REDIC1: variants seen among roughly 807,000 people sequenced by gnomAD.
The protein encoded by REDIC1 is regulator of DNA class I crossover intermediates 1, also known as HEI10 Interacting Protein 1.
the REDIC1 span, among the ~76,000 whole-genome samples, chr12:39,680,098 A>G: frequency 6.6e-6 from 1 of 152,240 alleles, no homozygotes; most frequent in Non-Finnish European, 1.5e-5. Flanking sequence ...ACCAAGAACC[A>G]AAAGCAAATG....
chr12:39,635,174 A>T, the REDIC1 span, among the ~76,000 whole-genome samples: 1 of 152,200 alleles, frequency 6.6e-6, no homozygotes, highest in Non-Finnish European at 1.5e-5. Flanking sequence ...GAGAAATAGG[A>T]ACACTTTTAC....
chr12:39,687,944 C>G, the REDIC1 span, among the ~76,000 whole-genome samples: 1 of 152,214 alleles, frequency 6.6e-6, no homozygotes, highest in African/African-American at 2.4e-5. Context: ...TGAGGTCACA[C>G]TCTCAAGCCA....
chr12:39,751,885 C>T, the REDIC1 span, among the ~76,000 whole-genome samples: 2 of 152,068 alleles, frequency 1.3e-5, no homozygotes, highest in Non-Finnish European at 2.9e-5. Context: ...GGGAACATCA[C>T]ACACCAGGGC....
the REDIC1 span, among the ~76,000 whole-genome samples, chr12:39,843,607 A>G: frequency 6.6e-6 from 1 of 152,186 alleles, no homozygotes; most frequent in East Asian, 1.9e-4. Flanking sequence ...CCATACAATG[A>G]GAGTATGAAA....
chr12:39,712,397 T>TGTATATATACATACGTATATACATAC, the REDIC1 span, among the ~76,000 whole-genome samples: 2 of 134,034 alleles, frequency 1.5e-5, no homozygotes, highest in South Asian at 2.3e-4. Flanking sequence ...TATACCTGTA[T>TGTATATATACATACGTATATACATAC]GTATATATAC....
chr12:39,852,665 C>T, the REDIC1 span, among the ~76,000 whole-genome samples: 7 of 152,256 alleles, frequency 4.6e-5, no homozygotes, highest in South Asian at 1.2e-3. Context: ...AAGGAAAACC[C>T]CAACTTTCCA....
At chr12:39,857,955 T>C in the REDIC1 span, among the ~76,000 whole-genome samples, 1 of 152,190 alleles carries the variant, frequency 6.6e-6, no homozygotes, top group Non-Finnish European at 1.5e-5. Flanking sequence ...TTTTTGACTA[T>C]AGGAAAACAA....
At chr12:39,797,738 A>ACACATATG in the REDIC1 span, among the ~76,000 whole-genome samples, 43 of 52,548 alleles carry the variant, frequency 8.2e-4, no homozygotes, top group African/African-American at 2.5e-3. Context: ...ACACACACAC[A>ACACATATG]CACACACACA....
At chr12:39,820,555 A>C in the REDIC1 span, among the ~76,000 whole-genome samples, 1 of 152,064 alleles carries the variant, frequency 6.6e-6, no homozygotes, top group East Asian at 1.9e-4. Flanking sequence ...CCTGGATACC[A>C]AATGATGTGT....
the REDIC1 span, chr12:39,720,798 T>G: frequency 1.9e-6 from 3 of 1,607,184 alleles, no homozygotes; most frequent in Non-Finnish European, 2.5e-6. Context: ...CATCTGAAGA[T>G]GAAGATCAAA....
chr12:39,725,468 C>T, the REDIC1 span, among the ~76,000 whole-genome samples: 38 of 152,132 alleles, frequency 2.5e-4, no homozygotes, highest in East Asian at 6.4e-3. Flanking sequence ...TCTCATATGT[C>T]TTTAGGCCTT....
At chr12:39,704,468 T>C in the REDIC1 span, among the ~76,000 whole-genome samples, 15 of 152,306 alleles carry the variant, frequency 9.8e-5, no homozygotes, top group Non-Finnish European at 1.8e-4. Flanking sequence ...TTTTACACTG[T>C]TGGTGGGACT....
the REDIC1 span, among the ~76,000 whole-genome samples, chr12:39,780,620 C>T: frequency 0.96 from 146,436 of 152,316 alleles, 70,413 homozygotes; most frequent in East Asian, 1. Flanking sequence ...GAAAGGATGC[C>T]TGGATGAGCT....
chr12:39,874,574 C>G, the REDIC1 span, among the ~76,000 whole-genome samples: 26 of 147,622 alleles, frequency 1.8e-4, no homozygotes, highest in Middle Eastern at 3.5e-3. Flanking sequence ...AAGATCACAC[C>G]ATTGCACTCC....
At chr12:39,868,707 C>G in the REDIC1 span, among the ~76,000 whole-genome samples, 20 of 152,204 alleles carry the variant, frequency 1.3e-4, 1 homozygote, top group East Asian at 2.1e-3. Context: ...TACATAGATC[C>G]AAATCTTCCA....
chr12:39,903,736 C>T, the REDIC1 span, among the ~76,000 whole-genome samples: 1 of 152,102 alleles, frequency 6.6e-6, no homozygotes, highest in Non-Finnish European at 1.5e-5. Flanking sequence ...TTGAGCTGTG[C>T]ATCCAACTGA....
the REDIC1 span, chr12:39,682,603 T>A: frequency 6.5e-7 from 1 of 1,533,672 alleles, no homozygotes; most frequent in Non-Finnish European, 8.8e-7. Context: ...TTTTTGTTTA[T>A]CCCAAAGTCT....
chr12:39,719,189 C>G, the REDIC1 span, among the ~76,000 whole-genome samples: 2 of 152,014 alleles, frequency 1.3e-5, no homozygotes, highest in Non-Finnish European at 2.9e-5. Flanking sequence ...GTTCTCAGCA[C>G]TATATTACAG....
the REDIC1 span, among the ~76,000 whole-genome samples, chr12:39,779,157 C>A: frequency 6.6e-6 from 1 of 152,184 alleles, no homozygotes; most frequent in Non-Finnish European, 1.5e-5. Context: ...CGGGGTGCAA[C>A]TGAAGACTGG....
Sources: allele counts gnomAD v4.1 joint callset (sites outside exome capture counted in the v4.1 genomes callset), GRCh38; gene constraint gnomAD v4.1.1; transcripts MANE v1.5; gene names NCBI Gene and HGNC (gene_info 2026-07-23, HGNC 2026-07-21).